LHFPL2: variants seen among roughly 807,000 people sequenced by gnomAD.
LHFPL2 encodes the protein LHFPL tetraspan subfamily member 2 protein.
Under a neutral mutation model 17.5 loss-of-function variants are expected in LHFPL2, and 7 were observed. That is an observed-to-expected ratio of 0.40 (90% CI 0.23 to 0.75). The LOEUF is 0.75. Ranked by LOEUF, LHFPL2 falls within the 30% of genes least tolerant of loss-of-function variation. The pLI is 0.37. For synonymous variants in LHFPL2, 134 were observed against 116.2 expected, an observed-to-expected ratio of 1.15 and a Z score of -0.99; for missense variants, 241 against 294.8, an observed-to-expected ratio of 0.82 and a Z score of 1.34.
At chr5:78,510,974 C>T (rs1023371442) in intron 3 of LHFPL2, among the ~76,000 whole-genome samples, 1 of 152,040 alleles carries the variant, frequency 6.6e-6, no homozygotes, top group Non-Finnish European at 1.5e-5. Context: ...AGTGTGTTTG[C>T]TTCATAGGTA....
chr5:78,622,299 C>A (rs1744882394), intron 2 of LHFPL2, among the ~76,000 whole-genome samples: 1 of 152,200 alleles, frequency 6.6e-6, no homozygotes, highest in South Asian at 2.1e-4. Context: ...TTTCAGAAGG[C>A]ACTGGATTAC....
intron 3 of LHFPL2, among the ~76,000 whole-genome samples, chr5:78,531,837 C>CT (rs1755792530): frequency 6.6e-6 from 1 of 152,164 alleles, no homozygotes; most frequent in Non-Finnish European, 1.5e-5. Flanking sequence ...TCTCGGCTCA[C>CT]TGCAACCTCT....
intron 3 of LHFPL2, among the ~76,000 whole-genome samples, chr5:78,516,792 A>C (rs1755305357): frequency 6.6e-6 from 1 of 152,236 alleles, no homozygotes; most frequent in Admixed American, 6.5e-5. Flanking sequence ...GCCAGGGCAG[A>C]CTGACTCAGA....
intron 4 of LHFPL2, among the ~76,000 whole-genome samples, chr5:78,499,713 T>C (rs529431493): frequency 5.3e-5 from 8 of 152,008 alleles, no homozygotes; most frequent in African/African-American, 1.9e-4. Context: ...TTATGGAGAG[T>C]GGAAGACTGC....
At chr5:78,530,899 C>T (rs1755764019) in intron 3 of LHFPL2, among the ~76,000 whole-genome samples, 1 of 152,172 alleles carries the variant, frequency 6.6e-6, no homozygotes, top group Non-Finnish European at 1.5e-5. Context: ...CATTTCATCA[C>T]CAGCAATGCA....
chr5:78,504,077 T>C (rs1292341380), intron 4 of LHFPL2, among the ~76,000 whole-genome samples: 1 of 152,188 alleles, frequency 6.6e-6, no homozygotes, highest in Non-Finnish European at 1.5e-5. Flanking sequence ...ATGTGTCCTA[T>C]CAGTGGTATT....
chr5:78,545,351 C>T (rs1241736860), intron 3 of LHFPL2, among the ~76,000 whole-genome samples: 2 of 152,158 alleles, frequency 1.3e-5, no homozygotes, highest in Non-Finnish European at 2.9e-5. Context: ...CTGTGAAGAT[C>T]CAGCATGGTC....
intron 3 of LHFPL2, among the ~76,000 whole-genome samples, chr5:78,549,850 G>A (rs1285672766): frequency 6.6e-6 from 1 of 152,176 alleles, no homozygotes; most frequent in Admixed American, 6.5e-5. Flanking sequence ...ATTCCTGAGT[G>A]GGGGTTATGA....
intron 2 of LHFPL2, among the ~76,000 whole-genome samples, chr5:78,611,921 C>T (rs1318313004): frequency 2.0e-5 from 3 of 152,168 alleles, no homozygotes; most frequent in Non-Finnish European, 4.4e-5. Context: ...TCTGAGAACG[C>T]ATGCACACAT....
chr5:78,630,360 C>G (rs1745196723), intron 2 of LHFPL2, among the ~76,000 whole-genome samples: 1 of 152,208 alleles, frequency 6.6e-6, no homozygotes, highest in African/African-American at 2.4e-5. Flanking sequence ...TCAGTAACAT[C>G]TCAAGTTCCA....
At chr5:78,538,044 G>C (rs572775349) in intron 3 of LHFPL2, among the ~76,000 whole-genome samples, 3 of 152,252 alleles carry the variant, frequency 2.0e-5, no homozygotes, top group Admixed American at 2.0e-4. Context: ...CAGCCTAGAG[G>C]CTGCCTTAGA....
chr5:78,531,323 G>A (rs1056528382), intron 3 of LHFPL2, among the ~76,000 whole-genome samples: 1 of 151,052 alleles, frequency 6.6e-6, no homozygotes, highest in African/African-American at 2.4e-5. Flanking sequence ...GCTGAGGCAG[G>A]AGAATCGCTT....
intron 3 of LHFPL2, among the ~76,000 whole-genome samples, chr5:78,544,620 G>C (rs940263306): frequency 1.3e-5 from 2 of 152,154 alleles, no homozygotes; most frequent in Non-Finnish European, 2.9e-5. Flanking sequence ...GATCTGTGCG[G>C]ATGCAGTGAC....
At chr5:78,491,220 T>A (rs1214095068) in intron 4 of LHFPL2, 1 of 63,000 alleles carries the variant, frequency 1.6e-5, no homozygotes, top group Non-Finnish European at 3.7e-5. Flanking sequence ...GTAGCAGGGG[T>A]GGAGTAGAGG....
At chr5:78,599,111 C>A (rs1208958700) in intron 2 of LHFPL2, among the ~76,000 whole-genome samples, 3 of 152,168 alleles carry the variant, frequency 2.0e-5, no homozygotes, top group South Asian at 4.1e-4. Context: ...TCCTACTCAT[C>A]TCCAGCCCTT....
At chr5:78,514,184 C>T (rs1362978950) in intron 3 of LHFPL2, among the ~76,000 whole-genome samples, 2 of 151,194 alleles carry the variant, frequency 1.3e-5, no homozygotes, top group South Asian at 2.1e-4. Flanking sequence ...ACTAGGCCCT[C>T]GCTGCCATTC....
intron 1 of LHFPL2, among the ~76,000 whole-genome samples, chr5:78,647,565 C>G (rs1310825898): frequency 6.6e-6 from 1 of 152,106 alleles, no homozygotes; most frequent in Non-Finnish European, 1.5e-5. Flanking sequence ...GGTCACCCAC[C>G]GATGGTAACC....
chr5:78,507,853 T>C (rs1274661940), intron 4 of LHFPL2, among the ~76,000 whole-genome samples: 1 of 152,164 alleles, frequency 6.6e-6, no homozygotes, highest in Non-Finnish European at 1.5e-5. Context: ...ATAATTAGTG[T>C]GTGCTGGCTT....
At chr5:78,497,289 G>A (rs1561305555) in intron 4 of LHFPL2, among the ~76,000 whole-genome samples, 1 of 151,468 alleles carries the variant, frequency 6.6e-6, no homozygotes, top group Non-Finnish European at 1.5e-5. Flanking sequence ...TAAGGCTGTG[G>A]TTAATTAAAT....
Sources: allele counts gnomAD v4.1 joint callset (sites outside exome capture counted in the v4.1 genomes callset), GRCh38; gene constraint gnomAD v4.1.1; transcripts MANE v1.5; gene names NCBI Gene and HGNC (gene_info 2026-07-23, HGNC 2026-07-21).